Variants in SSPN observed in about 807,000 individuals in gnomAD.
SSPN encodes the protein sarcospan.
SSPN carries 15 observed loss-of-function variants against 19.1 expected under a neutral mutation model. The ratio of observed to expected loss-of-function variants is 0.78; its 90% CI spans 0.52 to 1.21. SSPN has a LOEUF of 1.21. Ranked by LOEUF, SSPN falls within the 50% of genes most tolerant of loss-of-function variation. The pLI is 0.00. For missense variants in SSPN, 291 were observed against 314.0 expected (o/e 0.93, Z 0.55); for synonymous variants, 147 against 140.3 (o/e 1.05, Z -0.34).
intron 1 of SSPN, chr12:26,123,560 G>T: frequency 9.3e-7 from 1 of 1,069,596 alleles, no homozygotes. Context: ...GGGTGAGGGA[G>T]TCCTGACACT....
intron 1 of SSPN, among the ~76,000 whole-genome samples, chr12:26,215,974 T>C (rs1565690637): frequency 6.6e-6 from 1 of 152,242 alleles, no homozygotes; most frequent in Non-Finnish European, 1.5e-5. Flanking sequence ...ATCTAGCCTT[T>C]TACATTTCTA....
At chr12:26,154,851 C>A (rs189373837) in intron 1 of SSPN, among the ~76,000 whole-genome samples, 1 of 152,022 alleles carries the variant, frequency 6.6e-6, no homozygotes, top group African/African-American at 2.4e-5. Context: ...CACATCAGAT[C>A]CTGGACCAGA....
chr12:26,152,892 T>C (rs1944533926), intron 1 of SSPN, among the ~76,000 whole-genome samples: 1 of 152,240 alleles, frequency 6.6e-6, no homozygotes, highest in African/African-American at 2.4e-5. Context: ...TGCCATTGTC[T>C]GACTTAGCAC....
At chr12:26,130,940 C>T (rs773343332) in intron 1 of SSPN, among the ~76,000 whole-genome samples, 3 of 151,878 alleles carry the variant, frequency 2.0e-5, no homozygotes, top group Non-Finnish European at 4.4e-5. Context: ...TTGTCCAATC[C>T]CATTACAAGA....
chr12:26,124,253 G>GCCCCACCCCC (rs1944342136), intron 1 of SSPN: 1 of 755,870 alleles, frequency 1.3e-6, no homozygotes, highest in Non-Finnish European at 2.2e-6. Flanking sequence ...ACCCTCGTCT[G>GCCCCACCCCC]CCCCCCCCGC....
intron 1 of SSPN, chr12:26,124,189 T>A (rs765418587): frequency 6.5e-7 from 1 of 1,539,030 alleles, no homozygotes; most frequent in South Asian, 1.1e-5. Context: ...CCTTAATATA[T>A]GAGAGTCATG....
At chr12:26,152,187 C>T (rs1202043192) in intron 1 of SSPN, among the ~76,000 whole-genome samples, 2 of 152,120 alleles carry the variant, frequency 1.3e-5, no homozygotes, top group Non-Finnish European at 2.9e-5. Flanking sequence ...AATACTCCCA[C>T]CGTGGCTAAT....
intron 2 of SSPN, among the ~76,000 whole-genome samples, chr12:26,229,302 T>C (rs1302625194): frequency 2.6e-5 from 4 of 152,250 alleles, no homozygotes; most frequent in African/African-American, 9.6e-5. Context: ...AAGCTGTATG[T>C]AATCCCTGAT....
rs748217053 is a variant in SSPN at position 26,122,668 on chromosome 12, C to G, written c.-31+516C>G. 1.0e-5 allele frequency: 15 copies of G among 1,466,620 alleles called. No homozygotes were observed. In the East Asian group the frequency reaches 1.4e-4, roughly 13 times the overall value. The allele number at this position is 1,466,620 out of a possible 1,614,324, so 90.9% of individuals were successfully genotyped here. A position where few individuals can be genotyped will look rare whatever the true frequency, so the allele number is the denominator to read the frequency against. ...CCGCCGCTGCCGCCGCCGCGGGAATCCAGCTTCATCCTCTTGGGCGCCGGC... is the reference window on the plus strand; with the variant it reads ...CCGCCGCTGCCGCCGCCGCGGGAATGCAGCTTCATCCTCTTGGGCGCCGGC... On this transcript the variant is annotated intron_variant, in intron 1 of 2. Coordinates refer to the SSPN transcript ENST00000538142.
rs1945242387 is a variant in SSPN at position 26,232,269 on chromosome 12, T to G, written c.*1193T>G. 12 of 985,458 alleles carry G rather than the reference T, an allele frequency of 1.2e-5. No individual in the cohort carries two copies. The highest frequency in any genetic ancestry group is 1.4e-5 in the Non-Finnish European group (12 of 829,916). The allele number at this position is 985,458 out of a possible 1,614,324, so 61.0% of individuals were successfully genotyped here. On this transcript the variant is annotated 3_prime_UTR_variant, in exon 3 of 3. Coordinates refer to ENST00000242729, the MANE Select transcript of SSPN (RefSeq NM_005086.5). Reference sequence around the variant, plus strand: ...AAAATAATGTTTTGAAGTTCTTATTTGAGCAATATGGCCTTGACTTGGAGG... The same window carrying G: ...AAAATAATGTTTTGAAGTTCTTATTGGAGCAATATGGCCTTGACTTGGAGG...
intron 1 of SSPN, among the ~76,000 whole-genome samples, chr12:26,157,866 A>C (rs546130389): frequency 1.2e-4 from 19 of 152,348 alleles, no homozygotes; most frequent in African/African-American, 4.6e-4. Flanking sequence ...TCTTGGTTCC[A>C]GATGGGCAAT....
At chr12:26,124,521 T>C in intron 1 of SSPN, 1 of 1,613,966 alleles carries the variant, frequency 6.2e-7, no homozygotes, top group Non-Finnish European at 8.5e-7. Context: ...ACACTTACCT[T>C]GGTGTCGTCT....
rs71452008 is a variant in SSPN, at chr12:26,156,678, C to T, written c.-31+34526C>T. Among the ~76,000 whole-genome samples, 1,289 of 152,230 alleles carry T rather than the reference C, an allele frequency of 8.5e-3. 7 individuals carry two copies. Among genetic ancestry groups the T allele is most frequent in the African/African-American group, 0.013 (546 of 41,512 alleles). On this transcript the variant is annotated intron_variant, in intron 1 of 2. Transcript: ENST00000538142. ...CAGACAATTGACACATTGCTGACTG[C>T]GACGGAAGTTTCATAGAAAATGATT...
rs189604090 is a variant in SSPN at position 26,144,066 on chromosome 12, G to A, written c.-31+21914G>A. 2.3e-3 allele frequency among the ~76,000 whole-genome samples: 353 copies of A among 152,242 alleles called. 3 individuals carry two copies. In the Middle Eastern group the frequency reaches 0.058, roughly 25 times the overall value. Reference sequence around the variant, plus strand: ...TAATTATTTCATTCTATATTACAATGTAATAATAATAGAAATAAAGTACAC... The same window carrying A: ...TAATTATTTCATTCTATATTACAATATAATAATAATAGAAATAAAGTACAC... On this transcript the variant is annotated intron_variant, in intron 1 of 2. Transcript: ENST00000538142.
intron 2 of SSPN, among the ~76,000 whole-genome samples, chr12:26,229,784 T>G (rs1175941152): frequency 6.6e-6 from 1 of 152,212 alleles, no homozygotes; most frequent in Non-Finnish European, 1.5e-5. Context: ...GGTGGACCAT[T>G]AAGATTAACA....
In SSPN at chr12:26,231,183, C is replaced by A. The variant is rs1040706244; in HGVS notation, c.*107C>A. On this transcript the variant is annotated 3_prime_UTR_variant, in exon 3 of 3. Transcript: ENST00000242729. ...AAGGAAAAAAATTGACAATAAAAGT[C>A]ACTCTTCTAATTGAATATTTTTATA... The A allele has an allele frequency of 1.2e-5, 16 of 1,342,210 alleles. No individual in the cohort carries two copies. The highest frequency in any genetic ancestry group is 1.6e-5 in the Non-Finnish European group (16 of 1,020,290). The allele number at this position is 1,342,210 out of a possible 1,614,324, so 83.1% of individuals were successfully genotyped here. A position where few individuals can be genotyped will look rare whatever the true frequency, so the allele number is the denominator to read the frequency against.
intron 1 of SSPN, among the ~76,000 whole-genome samples, chr12:26,129,882 C>T (rs1443404898): frequency 1.3e-5 from 2 of 152,224 alleles, no homozygotes. Context: ...CAAAACCATT[C>T]ATGCAGGCTG....
At chr12:26,125,050 G>A in intron 1 of SSPN, 1 of 550,976 alleles carries the variant, frequency 1.8e-6, no homozygotes, top group Non-Finnish European at 3.3e-6. Flanking sequence ...CACAGGGCAC[G>A]CGCGTCGCCG....
At chr12:26,192,745 G>A (rs562280124), upstream of SSPN, among the ~76,000 whole-genome samples, 24 of 152,318 alleles carry the variant, frequency 1.6e-4, no homozygotes, top group East Asian at 1.2e-3. Context: ...ATTTCAGTGC[G>A]TCTGGGATGT....
Sources: allele counts gnomAD v4.1 joint callset (sites outside exome capture counted in the v4.1 genomes callset), GRCh38; gene constraint gnomAD v4.1.1; transcripts MANE v1.5; gene names NCBI Gene and HGNC (gene_info 2026-07-23, HGNC 2026-07-21).